The following JPH3 variants were observed in gnomAD, a reference collection of about 807,000 sequenced individuals.
JPH3 encodes the protein junctophilin-3.
A neutral mutation model predicts 59.6 loss-of-function variants in JPH3; 11 were observed. That is an observed-to-expected ratio of 0.18 (90% confidence interval 0.12 to 0.31). The LOEUF is 0.31. JPH3 is among the 10% of genes least tolerant of loss of function. The pLI, the probability that JPH3 is intolerant of heterozygous loss-of-function variation, is 1.00. For synonymous variants in JPH3, 673 were observed against 483.6 expected (o/e 1.39, Z -5.14); for missense variants, 1,202 against 1,105.7 (o/e 1.09, Z -1.24).
chr16:87,696,610 A>T lies in JPH3; in HGVS notation c.2197A>T (p.Ile733Phe). 6.2e-7 allele frequency: 1 copy of T among 1,613,584 alleles called. No homozygotes were observed. Among genetic ancestry groups the T allele is most frequent in the Non-Finnish European group, 8.5e-7 (1 of 1,179,918 alleles). Residue 733 changes from isoleucine (I) to phenylalanine (F), a missense_variant, in exon 5 of 5, where the codon ATC (isoleucine) becomes TTC (phenylalanine). Ile to Phe is a conservative substitution (Grantham distance 21). Transcript: ENST00000284262. ...GSAPILVVMV[I>F]LLNIGVAILF... ...AGCGCCTATCCTGGTGGTCATGGTGATCTTGCTCAACATCGGAGTCGCCAT... is the reference window on the plus strand; with the variant it reads ...AGCGCCTATCCTGGTGGTCATGGTGTTCTTGCTCAACATCGGAGTCGCCAT...
chr16:87,673,358 G>T (rs2033066285), intron 2 of JPH3, among the ~76,000 whole-genome samples: 1 of 152,074 alleles, frequency 6.6e-6, no homozygotes, highest in Non-Finnish European at 1.5e-5. Context: ...AAGATGCGAG[G>T]AAACAGACCC....
intron 1 of JPH3, among the ~76,000 whole-genome samples, chr16:87,616,182 A>G (rs929095782): frequency 8.0e-5 from 11 of 138,066 alleles, no homozygotes; most frequent in African/African-American, 3.0e-4. Flanking sequence ...CAGCAACGCA[A>G]TCTGGTTTTG....
intron 1 of JPH3, among the ~76,000 whole-genome samples, chr16:87,633,288 C>G (rs532830544): frequency 1.3e-5 from 2 of 151,204 alleles, no homozygotes; most frequent in African/African-American, 4.9e-5. Context: ...TGAGGACCCC[C>G]AGTGCCTTCA....
chr16:87,658,971 C>A (rs554545168), intron 2 of JPH3, among the ~76,000 whole-genome samples: 16 of 152,226 alleles, frequency 1.1e-4, no homozygotes, highest in Non-Finnish European at 1.9e-4. Context: ...GGTGCAATTG[C>A]TGGAGGCGGG....
intron 1 of JPH3, among the ~76,000 whole-genome samples, chr16:87,607,695 T>C (rs1182917571): frequency 6.6e-6 from 1 of 152,238 alleles, no homozygotes; most frequent in African/African-American, 2.4e-5. Flanking sequence ...CAAAATAAAC[T>C]ACCATGGGGC....
rs183088476 is a variant in JPH3, at chr16:87,624,846, C to T, written c.383-19412C>T. 6.6e-5 allele frequency among the ~76,000 whole-genome samples: 10 copies of T among 152,340 alleles called. No individual in the cohort carries two copies. In the Middle Eastern group the frequency reaches 0.01, roughly 155 times the overall value. The stretch of plus-strand genomic sequence containing the variant: ...CAGAGTTTCACTCTTGTTGCCCAGG[C>T]TGGAGTGCAGTAGCGTGATCTTGGC... On this transcript the variant is annotated intron_variant, in intron 1 of 4. Transcript: ENST00000284262.
chr16:87,648,188 T>G (rs1274615714), intron 2 of JPH3, among the ~76,000 whole-genome samples: 4 of 152,068 alleles, frequency 2.6e-5, no homozygotes, highest in African/African-American at 9.7e-5. Context: ...TGAGCCTGCA[T>G]TCTGGGCTGC....
At chr16:87,633,893 C>T (rs993139885) in intron 1 of JPH3, among the ~76,000 whole-genome samples, 24 of 148,040 alleles carry the variant, frequency 1.6e-4, no homozygotes, top group African/African-American at 6.1e-4. Flanking sequence ...AAACCATAAC[C>T]CCAAACCCTT....
intron 1 of JPH3, among the ~76,000 whole-genome samples, chr16:87,632,261 T>A (rs530994977): frequency 6.6e-6 from 1 of 152,262 alleles, no homozygotes; most frequent in South Asian, 2.1e-4. Context: ...TGCTGAAGCA[T>A]TGGCGAAAAG....
chr16:87,672,035 G>C (rs2033030330), intron 2 of JPH3, among the ~76,000 whole-genome samples: 3 of 152,172 alleles, frequency 2.0e-5, no homozygotes, highest in Admixed American at 2.0e-4. Context: ...TGTAGGGCTG[G>C]GCAGGTGGAG....
intron 2 of JPH3, among the ~76,000 whole-genome samples, chr16:87,658,204 A>G (rs1308734562): frequency 1.3e-5 from 2 of 152,172 alleles, no homozygotes; most frequent in Admixed American, 1.3e-4. Context: ...TGGCTACTAT[A>G]GCGACCTCCT....
intron 2 of JPH3, among the ~76,000 whole-genome samples, chr16:87,657,140 C>G (rs1247230806): frequency 6.6e-6 from 1 of 152,148 alleles, no homozygotes; most frequent in Non-Finnish European, 1.5e-5. Flanking sequence ...GGAGGCCAGG[C>G]CAGCGCTGAG....
At chr16:87,651,656 G>A (rs991569402) in intron 2 of JPH3, among the ~76,000 whole-genome samples, 2 of 152,286 alleles carry the variant, frequency 1.3e-5, no homozygotes, top group African/African-American at 2.4e-5. Flanking sequence ...GGAGCCTGCC[G>A]ATGGGACTGC....
At chr16:87,619,812 C>T (rs2031106045) in intron 1 of JPH3, among the ~76,000 whole-genome samples, 1 of 152,326 alleles carries the variant, frequency 6.6e-6, no homozygotes, top group Non-Finnish European at 1.5e-5. Context: ...ACCCGTCAGT[C>T]AGCCCTGCAC....
intron 2 of JPH3, among the ~76,000 whole-genome samples, chr16:87,651,692 C>T (rs117946272): frequency 0.013 from 2,001 of 152,342 alleles, 25 homozygotes; most frequent in Non-Finnish European, 0.021. Flanking sequence ...CGACCACACT[C>T]GAAAGACTGA....
intron 2 of JPH3, among the ~76,000 whole-genome samples, chr16:87,676,908 A>C (rs1254211784): frequency 6.6e-6 from 1 of 151,656 alleles, no homozygotes; most frequent in Non-Finnish European, 1.5e-5. Flanking sequence ...GCGGTGGCGC[A>C]CGCCTGTAAT....
At chr16:87,612,412 T>G (rs929596191) in intron 1 of JPH3, among the ~76,000 whole-genome samples, 2 of 151,768 alleles carry the variant, frequency 1.3e-5, no homozygotes, top group African/African-American at 4.8e-5. Context: ...GTGAGCAACT[T>G]TTTTACAGGA....
At chr16:87,638,182 G>A (rs973350581) in intron 1 of JPH3, among the ~76,000 whole-genome samples, 1 of 152,124 alleles carries the variant, frequency 6.6e-6, no homozygotes, top group Non-Finnish European at 1.5e-5. Context: ...GCCTCCCAAA[G>A]TGCTGAGATT....
At chr16:87,651,187 C>G (rs941290774) in intron 2 of JPH3, among the ~76,000 whole-genome samples, 1 of 152,162 alleles carries the variant, frequency 6.6e-6, no homozygotes, top group South Asian at 2.1e-4. Flanking sequence ...AGCATGGTTT[C>G]CAGAATAGTT....
Sources: allele counts gnomAD v4.1 joint callset (sites outside exome capture counted in the v4.1 genomes callset), GRCh38; gene constraint gnomAD v4.1.1; transcripts MANE v1.5; gene names NCBI Gene and HGNC (gene_info 2026-07-23, HGNC 2026-07-21).